KAT8: variants seen among roughly 807,000 people sequenced by gnomAD.
KAT8 encodes the protein lysine acetyltransferase 8, also known as histone acetyltransferase KAT8.
Under a neutral mutation model 62.9 loss-of-function variants are expected in KAT8, and 40 were observed. The observed-to-expected ratio is 0.64, with a 90% CI of 0.49 to 0.83. KAT8 has a LOEUF of 0.83. Ranked by LOEUF, KAT8 falls within the 40% of genes least tolerant of loss-of-function variation. The pLI is 0.00. For missense variants in KAT8, 387 were observed against 614.8 expected (o/e 0.63, Z 3.92); for synonymous variants, 278 against 254.5 (o/e 1.09, Z -0.88).
intron 3 of KAT8, chr16:31,125,603 C>CAAAAAAAAAAAAAA (rs61022736): frequency 1.6e-5 from 1 of 64,070 alleles, no homozygotes; most frequent in African/African-American, 5.8e-5. Flanking sequence ...GACTCCGTCT[C>CAAAAAAAAAAAAAA]AAAAAAAAAA....
intron 3 of KAT8, among the ~76,000 whole-genome samples, chr16:31,124,360 G>A (rs937135248): frequency 4.6e-5 from 7 of 152,186 alleles, no homozygotes; most frequent in African/African-American, 9.7e-5. Context: ...AAATAATGTC[G>A]GCTGGGTGCA....
At chr16:31,130,927 G>A (rs766462200) in intron 10 of KAT8, 27 bp downstream of exon 10, 2 of 1,599,172 alleles carry the variant, frequency 1.3e-6, no homozygotes, top group African/African-American at 2.7e-5. Flanking sequence ...TGTGTGTCGG[G>A]GGCGGTGGGG....
chr16:31,121,743 G>A (rs1456895273), intron 3 of KAT8, among the ~76,000 whole-genome samples: 2 of 151,596 alleles, frequency 1.3e-5, no homozygotes, highest in Non-Finnish European at 2.9e-5. Context: ...CTTAATAATT[G>A]TACATATTAT....
At chr16:31,124,243 C>T (rs961381369) in intron 3 of KAT8, among the ~76,000 whole-genome samples, 2 of 152,224 alleles carry the variant, frequency 1.3e-5, no homozygotes, top group Non-Finnish European at 2.9e-5. Flanking sequence ...AGTACCAGTT[C>T]TGTGACCTTG....
chr16:31,120,702 C>T (rs1322822657), intron 3 of KAT8, 188 bp downstream of exon 3: 1 of 570,472 alleles, frequency 1.8e-6, no homozygotes, highest in Non-Finnish European at 3.0e-6. Flanking sequence ...AGGGTAAGGG[C>T]TTCGCTGCAG....
chr16:31,127,200 G>C lies in KAT8; in HGVS notation c.528G>C (p.Val176=). 1 of 1,614,262 alleles carries C rather than the reference G, an allele frequency of 6.2e-7. No homozygotes were observed. Among genetic ancestry groups the C allele is most frequent in the Non-Finnish European group, 8.5e-7 (1 of 1,180,050 alleles). The part of the protein sequence containing the change: ...LEKEHEAITK[V]KYVDKIHIGN... ...CACCCTGCCTGCAGATCACCAAGGT[G>C]AAGTATGTGGACAAGATCCACATCG... The change falls in exon 5 of 11, where the codon GTG becomes GTC. Residue 176 remains valine (V), a synonymous_variant. Transcript: ENST00000219797.
In KAT8 at chr16:31,130,591, C is replaced by T; in HGVS notation, c.1142C>T (p.Ser381Phe). 2 of 1,614,134 alleles carry T rather than the reference C, an allele frequency of 1.2e-6. No homozygotes were observed. Among genetic ancestry groups the T allele is most frequent in the Non-Finnish European group, 1.7e-6 (2 of 1,179,992 alleles). Residue 381 changes from serine (S) to phenylalanine (F), a missense_variant, in exon 9 of 11, where the codon TCC (serine) becomes TTC (phenylalanine). Transcript: ENST00000219797. ...EILRDFRGTL[S>F]IKDLSQMTSI... ...CTGCGGGACTTCCGGGGCACACTGT[C>T]CATCAAGGACCTCAGGTGAGGGGGC...
intron 3 of KAT8, chr16:31,126,767 C>T: frequency 2.1e-6 from 1 of 481,610 alleles, no homozygotes; most frequent in East Asian, 3.6e-5. Context: ...AAGCCCCATC[C>T]TGATCCTAAC....
chr16:31,131,211 C>T lies in KAT8; in HGVS notation c.1329C>T (p.Leu443=), dbSNP rs746466642. The T allele has an allele frequency of 6.2e-7, 1 of 1,614,132 alleles. No individual in the cohort carries two copies. The highest frequency in any genetic ancestry group is 1.7e-5 in the Admixed American group (1 of 60,030). Residue 443 remains leucine (L), a synonymous_variant, in exon 11 of 11, where the codon CTC becomes CTT. Transcript: ENST00000219797. ...KPPITVDSVC[L]KWAPPKHKQV... is the part of the protein sequence containing the mutation. ...TCCCCACAGTGGACTCCGTCTGCCT[C>T]AAGTGGGCACCCCCCAAGCACAAGC...
intron 6 of KAT8, 95 bp from the exon 7 acceptor site, chr16:31,129,922 C>A: frequency 1.5e-6 from 2 of 1,368,994 alleles, no homozygotes; most frequent in Non-Finnish European, 2.0e-6. Context: ...CCTGGCGAGG[C>A]GCCCACTTCG....
At chr16:31,124,197 A>T (rs990646024) in intron 3 of KAT8, 1 of 152,254 alleles carries the variant, frequency 6.6e-6, no homozygotes, top group African/African-American at 2.4e-5. Context: ...TAGGTTCAGA[A>T]TTGGACAGAC....
Position 31,130,001 on chromosome 16 carries a change from C to A in KAT8, c.772-16C>A, listed in dbSNP as rs552204878. On this transcript the variant is annotated splice_polypyrimidine_tract_variant and intron_variant, in intron 6 of 10. Coordinates refer to ENST00000219797, the MANE Select transcript of KAT8 (RefSeq NM_032188.3). ...TGCCTGCCCCCTGAGCCTGTCTCCC[C>A]CCTCCTCAACCCTAGATTTACTGTC... is the stretch of plus-strand genomic sequence containing the variant. 9 of 1,614,006 alleles carry A rather than the reference C, an allele frequency of 5.6e-6. No individual in the cohort carries two copies. In the South Asian group the frequency reaches 6.6e-5, roughly 12 times the overall value.
chr16:31,126,760 C>T (rs1276302442), intron 3 of KAT8: 1 of 476,534 alleles, frequency 2.1e-6, no homozygotes, highest in East Asian at 3.7e-5. Context: ...GCAGCTGAAG[C>T]CCCATCCTGA....
rs564774272 is a variant in KAT8 at position 31,128,592 on chromosome 16, C to T, written c.771+453C>T. 2.6e-5 allele frequency among the ~76,000 whole-genome samples: 4 copies of T among 152,100 alleles called. No individual in the cohort carries two copies. In the South Asian group the frequency reaches 8.3e-4, roughly 32 times the overall value. ...GAGGGCCTCCTAGCCTGGCACTAGGCCTGTAGTTGGTGCATAGGAAACACA... is the reference window on the plus strand; with the variant it reads ...GAGGGCCTCCTAGCCTGGCACTAGGTCTGTAGTTGGTGCATAGGAAACACA... On this transcript the variant is annotated intron_variant, in intron 6 of 10. Coordinates refer to ENST00000219797, the MANE Select transcript of KAT8 (RefSeq NM_032188.3).
Position 31,130,331 on chromosome 16 carries a change from G to A in KAT8, c.977G>A (p.Arg326His), listed in dbSNP as rs1188276380. Reference sequence around the variant, plus strand: ...CTGACCTTGCCCCCCTACCAACGCCGCGGCTACGGGAAGTTCCTCATCGCT... The same window carrying A: ...CTGACCTTGCCCCCCTACCAACGCCACGGCTACGGGAAGTTCCTCATCGCT... ...CILTLPPYQR[R>H]GYGKFLIAFS... Residue 326 changes from arginine to histidine, a missense_variant, in exon 8 of 11, where the codon CGC becomes CAC. This residue lies in a region of KAT8 where 141 missense variants were observed against 222.5 expected (regional missense o/e 0.63). Coordinates refer to ENST00000219797, the MANE Select transcript of KAT8 (RefSeq NM_032188.3). 17 of 1,614,086 alleles carry A rather than the reference G, an allele frequency of 1.1e-5. No homozygotes were observed. The highest frequency in any genetic ancestry group is 4.0e-5 in the African/African-American group (3 of 74,944).
chr16:31,125,634 A>C (rs1322111231), intron 3 of KAT8: 4 of 150,624 alleles, frequency 2.7e-5, no homozygotes, highest in African/African-American at 9.8e-5. Flanking sequence ...AAGAAATAAC[A>C]CTCTATGTAA....
intron 3 of KAT8, chr16:31,126,404 A>G (rs1194573537): frequency 6.5e-6 from 1 of 154,090 alleles, no homozygotes; most frequent in African/African-American, 2.4e-5. Context: ...CATCCACTGT[A>G]TTAGGACTTG....
intron 10 of KAT8, 42 bp downstream of exon 10, chr16:31,130,942 G>A: frequency 6.3e-7 from 1 of 1,591,136 alleles, no homozygotes; most frequent in Non-Finnish European, 8.6e-7. Context: ...GTGGGGGAGT[G>A]TCAGTATATG....
chr16:31,127,483 G>T (rs1596824062), intron 5 of KAT8, 130 bp downstream of exon 5: 1 of 926,338 alleles, frequency 1.1e-6, no homozygotes, highest in East Asian at 2.5e-5. Flanking sequence ...GTACAGGGAA[G>T]AGCTGCTGGG....
Sources: allele counts gnomAD v4.1 joint callset (sites outside exome capture counted in the v4.1 genomes callset), GRCh38; gene constraint gnomAD v4.1.1; regional missense constraint gnomAD v4.1.1; transcripts MANE v1.5; gene names NCBI Gene and HGNC (gene_info 2026-07-23, HGNC 2026-07-21).